Variants in PAX2 observed in about 807,000 individuals in gnomAD.
PAX2 encodes paired box 2, also known as paired box protein Pax-2.
In PAX2, 9 loss-of-function variants were observed where a neutral mutation model predicts 41.7. The ratio of observed to expected loss-of-function variants is 0.22; its 90% CI spans 0.13 to 0.38. PAX2 has a LOEUF of 0.38. PAX2 is among the 10% of genes least tolerant of loss of function. PAX2 has a pLI of 1.00. For missense variants in PAX2, 418 were observed against 531.6 expected, an observed-to-expected ratio of 0.79 and a Z score of 2.10; for synonymous variants, 221 against 212.7, an observed-to-expected ratio of 1.04 and a Z score of -0.34.
intron 3 of PAX2, among the ~76,000 whole-genome samples, chr10:100,755,319 A>G (rs1198677276): frequency 2.0e-5 from 3 of 152,148 alleles, no homozygotes; most frequent in Non-Finnish European, 4.4e-5. Context: ...GGTGAGAGCA[A>G]TTGCTGCTTG....
At chr10:100,738,109 T>C (rs1844835535) in intron 1 of PAX2, among the ~76,000 whole-genome samples, 1 of 152,240 alleles carries the variant, frequency 6.6e-6, no homozygotes, top group African/African-American at 2.4e-5. Context: ...GTCCCCTGCC[T>C]CTGCCTTCTG....
chr10:100,746,441 T>C, intron 1 of PAX2, 138 bp downstream of exon 1: 2 of 749,730 alleles, frequency 2.7e-6, no homozygotes, highest in Non-Finnish European at 4.9e-6. Flanking sequence ...CTTTTCGTTC[T>C]TTCTCTCCCT....
rs1266794965 is a variant in PAX2 at position 100,827,219 on chromosome 10, A to G, written c.1108+124A>G. On this transcript the variant is annotated intron_variant, in intron 9 of 9. Coordinates refer to ENST00000355243, the MANE Select transcript of PAX2 (RefSeq NM_000278.5). The surrounding 1 kb of genome is among the most constrained non-coding windows in gnomAD (Gnocchi z 8.5). The stretch of plus-strand genomic sequence containing the variant: ...GCCAGGGGGACAGGCTTGTTAGTGC[A>G]GCACTGAGGCCCGGGGACCCCTCGA... 2.5e-6 allele frequency: 2 copies of G among 798,758 alleles called. No homozygotes were observed. The highest frequency in any genetic ancestry group is 2.7e-5 in the East Asian group (1 of 37,680). The allele number at this position is 798,758 out of a possible 1,614,324, so 49.5% of individuals were successfully genotyped here.
rs1564717040 is a variant in PAX2 at position 100,769,634 on chromosome 10, TAAAATA to T, written c.411-9860_411-9855del. Among the ~76,000 whole-genome samples, 6 of 134,352 alleles carry T rather than the reference TAAAATA, an allele frequency of 4.5e-5. 1 individual carries two copies. The highest frequency in any genetic ancestry group is 1.7e-4 in the African/African-American group (6 of 35,948). The allele number at this position is 134,352 out of a possible 152,430, so 88.1% of individuals were successfully genotyped here. On this transcript the variant is annotated intron_variant, in intron 3 of 9. Transcript: ENST00000355243. ...AGACTCCATCTCAAAAAGAATAAAA[TAAAATA>T]AAATAAAATAAAATAAAATAAAATA... is the stretch of plus-strand genomic sequence containing the variant.
intron 3 of PAX2, among the ~76,000 whole-genome samples, chr10:100,774,947 G>A (rs574390814): frequency 6.6e-6 from 1 of 152,358 alleles, no homozygotes; most frequent in East Asian, 1.9e-4. Context: ...CCAAAGCCCT[G>A]GAGGTCCCCA....
intron 1 of PAX2, among the ~76,000 whole-genome samples, chr10:100,736,475 G>A (rs11190675): frequency 6.6e-5 from 10 of 152,184 alleles, no homozygotes; most frequent in Non-Finnish European, 1.2e-4. Context: ...GACTTCGGGG[G>A]AGGGAGAGGG....
At chr10:100,773,811 T>A (rs1392204434) in intron 3 of PAX2, among the ~76,000 whole-genome samples, 2 of 152,136 alleles carry the variant, frequency 1.3e-5, no homozygotes, top group African/African-American at 4.8e-5. Flanking sequence ...CTAAAAGGAA[T>A]CTAATAGTGA....
At chr10:100,766,445 A>G (rs1204248222) in intron 3 of PAX2, among the ~76,000 whole-genome samples, 2 of 152,186 alleles carry the variant, frequency 1.3e-5, no homozygotes, top group Non-Finnish European at 2.9e-5. Flanking sequence ...GATTCTTGGA[A>G]CTAGAGTTTA....
intron 6 of PAX2, 142 bp from the exon 7 acceptor site, chr10:100,808,968 G>GCCC: frequency 2.6e-6 from 2 of 784,194 alleles, no homozygotes; most frequent in South Asian, 2.9e-5. Context: ...CATCCACCAA[G>GCCC]CCCCCGCATC....
chr10:100,793,471 G>T (rs1847210600), intron 5 of PAX2, among the ~76,000 whole-genome samples: 1 of 152,202 alleles, frequency 6.6e-6, no homozygotes, highest in African/African-American at 2.4e-5. Context: ...CTTAATACAT[G>T]GATCGCACAC....
At chr10:100,745,155 C>T (rs978443462), upstream of PAX2, among the ~76,000 whole-genome samples, 1 of 152,178 alleles carries the variant, frequency 6.6e-6, no homozygotes, top group African/African-American at 2.4e-5. Flanking sequence ...ACTGAGAGCC[C>T]GGCTTCACAG....
chr10:100,740,809 A>G (rs1252427846), upstream of PAX2, among the ~76,000 whole-genome samples: 2 of 152,088 alleles, frequency 1.3e-5, no homozygotes, highest in Non-Finnish European at 2.9e-5. Context: ...GAGGCGGTAC[A>G]GGCTGTGTCC....
chr10:100,791,948 C>G lies in PAX2; in HGVS notation c.616+10583C>G, dbSNP rs555508182. ...GAGGGACAGTGTGGGTGGTCTTGGG[C>G]AGTGGGTATGTGGTCCAGGCAGCAA... On this transcript the variant is annotated intron_variant, in intron 5 of 9. Coordinates refer to ENST00000355243, the MANE Select transcript of PAX2 (RefSeq NM_000278.5). This position sits in a 1 kb window ranked among gnomAD's most constrained non-coding sequence, Gnocchi z 4.5. Among the ~76,000 whole-genome samples the G allele has an allele frequency of 7.4e-4, 112 of 152,294 alleles. No individual in the cohort carries two copies. The highest frequency in any genetic ancestry group is 2.6e-3 in the African/African-American group (110 of 41,548).
intron 3 of PAX2, among the ~76,000 whole-genome samples, chr10:100,770,508 A>G (rs183646619): frequency 6.6e-6 from 1 of 152,344 alleles, no homozygotes; most frequent in Admixed American, 6.5e-5. Flanking sequence ...AAACCTATGC[A>G]TATCTTGAAG....
chr10:100,739,839 T>A (rs930872854), intron 1 of PAX2, among the ~76,000 whole-genome samples: 3 of 152,166 alleles, frequency 2.0e-5, no homozygotes, highest in Non-Finnish European at 4.4e-5. Context: ...AGAGAGTTAA[T>A]CATTACTTCG....
chr10:100,745,192 G>A (rs1210301155), upstream of PAX2, among the ~76,000 whole-genome samples: 4 of 152,196 alleles, frequency 2.6e-5, no homozygotes, highest in Non-Finnish European at 5.9e-5. Context: ...GCCCTCTGTC[G>A]TTACCTGAAT....
At chr10:100,743,364 A>C (rs1034738611), upstream of PAX2, among the ~76,000 whole-genome samples, 3 of 152,104 alleles carry the variant, frequency 2.0e-5, no homozygotes, top group Admixed American at 6.5e-5. Context: ...CCCACATTTC[A>C]TGGTACTTGT....
In PAX2 at chr10:100,748,292, G is replaced by A. The variant is rs558681495; in HGVS notation, c.44-1454G>A. 75 of 984,996 alleles carry A rather than the reference G, an allele frequency of 7.6e-5. No individual in the cohort carries two copies. In the African/African-American group the frequency reaches 1.2e-3, roughly 16 times the overall value. 61.0% of individuals were successfully genotyped at this position (984,996 alleles called of 1,614,324 possible). A position where few individuals can be genotyped will look rare whatever the true frequency, so the allele number is the denominator to read the frequency against. On this transcript the variant is annotated intron_variant, in intron 1 of 9. Coordinates refer to ENST00000355243, the MANE Select transcript of PAX2 (RefSeq NM_000278.5). The surrounding 1 kb of genome is among the most constrained non-coding windows in gnomAD (Gnocchi z 5.0). ...TTGATGGTCGGGGTTTGGAGGGAGG[G>A]GAGGGTGAGAAGTGGGGCTAGAGAT...
chr10:100,745,260 C>T (rs533367006), upstream of PAX2, among the ~76,000 whole-genome samples: 3 of 152,312 alleles, frequency 2.0e-5, no homozygotes, highest in Admixed American at 6.5e-5. Context: ...CGGCGAGTTT[C>T]GTTTCTCAGT....
Sources: allele counts gnomAD v4.1 joint callset (sites outside exome capture counted in the v4.1 genomes callset), GRCh38; gene constraint gnomAD v4.1.1; non-coding constraint Gnocchi (gnomAD v3.1); transcripts MANE v1.5; gene names NCBI Gene and HGNC (gene_info 2026-07-23, HGNC 2026-07-21).